TGFBR3: variants seen among roughly 807,000 people sequenced by gnomAD.
The protein encoded by TGFBR3 is transforming growth factor beta receptor type 3.
TGFBR3 carries 46 observed loss-of-function variants against 87.9 expected under a neutral mutation model. The ratio of observed to expected loss-of-function variants is 0.52; its 90% CI spans 0.41 to 0.67. The LOEUF is 0.67. Among genes scored for constraint, TGFBR3 ranks in the 30% least tolerant of loss-of-function variants. The probability of loss-of-function intolerance (pLI) is 0.00; values close to 1 mark genes in which losing one functional copy is unlikely to be tolerated. For synonymous variants in TGFBR3, 381 were observed against 391.6 expected (o/e 0.97, Z 0.32); for missense variants, 866 against 1,041.9 (o/e 0.83, Z 2.32).
At chr1:91,729,472 G>T (rs983184545) in intron 6 of TGFBR3, among the ~76,000 whole-genome samples, 39 of 152,330 alleles carry the variant, frequency 2.6e-4, no homozygotes, top group African/African-American at 7.9e-4. Flanking sequence ...TGATAAAGAT[G>T]AAGGAAGAGT....
At chr1:91,872,099 C>G (rs1678601139) in intron 1 of TGFBR3, among the ~76,000 whole-genome samples, 1 of 152,152 alleles carries the variant, frequency 6.6e-6, no homozygotes, top group African/African-American at 2.4e-5. Flanking sequence ...TTGTACATGG[C>G]CAATAGCTTC....
chr1:91,887,292 C>T (rs900957667), upstream of TGFBR3, among the ~76,000 whole-genome samples: 1 of 120,854 alleles, frequency 8.3e-6, no homozygotes, highest in African/African-American at 3.1e-5. Flanking sequence ...GTCGCCCAGG[C>T]TGGAGTGCAG....
chr1:91,833,134 A>G (rs1676918092), intron 2 of TGFBR3, among the ~76,000 whole-genome samples: 1 of 151,632 alleles, frequency 6.6e-6, no homozygotes, highest in South Asian at 2.1e-4. Flanking sequence ...GTCTCTACTA[A>G]AAATACAAAA....
chr1:91,784,908 C>T (rs527796634), intron 3 of TGFBR3, among the ~76,000 whole-genome samples: 7 of 152,322 alleles, frequency 4.6e-5, no homozygotes, highest in African/African-American at 1.4e-4. Flanking sequence ...TCCTCTATTA[C>T]AGGAATTGCC....
intron 2 of TGFBR3, among the ~76,000 whole-genome samples, chr1:91,837,091 T>C (rs1488256396): frequency 6.6e-6 from 1 of 152,142 alleles, no homozygotes; most frequent in Admixed American, 6.5e-5. Context: ...AGTTCCAAAG[T>C]TGGGGATTCT....
chr1:91,852,506 C>T (rs1285137208), intron 2 of TGFBR3, among the ~76,000 whole-genome samples: 2 of 152,224 alleles, frequency 1.3e-5, no homozygotes, highest in African/African-American at 4.8e-5. Context: ...TCACACTTGG[C>T]TGTGCACAAT....
rs1417381650 is a variant in TGFBR3 at position 91,727,733 on chromosome 1, G to A, written c.811C>T (p.Leu271=). The change falls in exon 7 of 17, where the codon CTG becomes TTG. Residue 271 remains leucine, a synonymous_variant. Transcript: ENST00000212355. ...EDLEVVKNLI[L]ILKCKKSVNW... is the part of the protein sequence containing the mutation. ...ACAGACTTTTTGCACTTCAAGATCAGGATGAGATTTTTGACCACTTCAAGA... is the reference window on the plus strand; with the variant it reads ...ACAGACTTTTTGCACTTCAAGATCAAGATGAGATTTTTGACCACTTCAAGA... 7 of 1,614,074 alleles carry A rather than the reference G, an allele frequency of 4.3e-6. No individual in the cohort carries two copies. Among genetic ancestry groups the A allele is most frequent in the Non-Finnish European group, 5.9e-6 (7 of 1,179,998 alleles).
intron 2 of TGFBR3, among the ~76,000 whole-genome samples, chr1:91,808,795 C>A (rs1259231399): frequency 6.6e-6 from 1 of 152,094 alleles, no homozygotes; most frequent in Non-Finnish European, 1.5e-5. Flanking sequence ...ATATGGTGCA[C>A]CTGTCCCTAT....
chr1:91,876,499 AG>A (rs1330488634), intron 1 of TGFBR3, among the ~76,000 whole-genome samples: 1 of 152,160 alleles, frequency 6.6e-6, no homozygotes, highest in African/African-American at 2.4e-5. Context: ...TAACATCCCT[AG>A]TTTTCTCCTC....
chr1:91,719,754 A>T, intron 9 of TGFBR3, 139 bp downstream of exon 9: 1 of 975,192 alleles, frequency 1.0e-6, no homozygotes, highest in Non-Finnish European at 1.6e-6. Context: ...AAGGGGAAGT[A>T]GGCCCATCCA....
intron 2 of TGFBR3, among the ~76,000 whole-genome samples, chr1:91,799,208 T>C (rs1486851849): frequency 1.3e-5 from 2 of 152,248 alleles, no homozygotes; most frequent in Non-Finnish European, 2.9e-5. Context: ...CCAAGTCTAT[T>C]TCAGGACTTA....
chr1:91,776,249 G>GT (rs1553166296), intron 3 of TGFBR3, among the ~76,000 whole-genome samples: 2 of 152,254 alleles, frequency 1.3e-5, no homozygotes, highest in Non-Finnish European at 2.9e-5. Context: ...TATCCACTGT[G>GT]TTTTTGTTAC....
At chr1:91,795,659 A>C (rs1675354531) in intron 3 of TGFBR3, among the ~76,000 whole-genome samples, 1 of 152,206 alleles carries the variant, frequency 6.6e-6, no homozygotes. Context: ...ATATAAAATG[A>C]GTAATTGTCG....
At chr1:91,698,572 G>A (rs1362955970) in intron 14 of TGFBR3, among the ~76,000 whole-genome samples, 7 of 144,426 alleles carry the variant, frequency 4.8e-5, no homozygotes, top group East Asian at 4.0e-4. Context: ...GGGCAGTGGC[G>A]CCCTCAGCTC....
At chr1:91,738,914 A>G (rs887774310) in intron 4 of TGFBR3, among the ~76,000 whole-genome samples, 2 of 152,232 alleles carry the variant, frequency 1.3e-5, no homozygotes, top group African/African-American at 4.8e-5. Context: ...AAGGTCACTG[A>G]GAAGTTAAAG....
At chr1:91,758,081 G>A (rs978043080) in intron 4 of TGFBR3, among the ~76,000 whole-genome samples, 1 of 152,136 alleles carries the variant, frequency 6.6e-6, no homozygotes, top group Non-Finnish European at 1.5e-5. Flanking sequence ...CAAATAGTAG[G>A]TAATATTTGG....
chr1:91,835,003 A>G (rs1677003659), intron 2 of TGFBR3, among the ~76,000 whole-genome samples: 1 of 152,142 alleles, frequency 6.6e-6, no homozygotes, highest in African/African-American at 2.4e-5. Context: ...TAAGGCACAA[A>G]GAAGCTCCTC....
intron 3 of TGFBR3, among the ~76,000 whole-genome samples, chr1:91,769,201 C>T (rs1674289761): frequency 2.0e-5 from 3 of 152,200 alleles, no homozygotes; most frequent in Non-Finnish European, 4.4e-5. Context: ...CAGTGACTGG[C>T]ATCTGGTAAG....
At chr1:91,840,356 T>G (rs570451896) in intron 2 of TGFBR3, among the ~76,000 whole-genome samples, 249 of 151,862 alleles carry the variant, frequency 1.6e-3, no homozygotes, top group Non-Finnish European at 2.4e-3. Flanking sequence ...TATCTTGTAC[T>G]CTCAAGATGT....
Sources: gnomAD v4.1 joint callset for allele counts (sites outside exome capture counted in the v4.1 genomes callset) on GRCh38, gnomAD v4.1.1 for gene constraint, MANE v1.5 for transcripts, NCBI Gene and HGNC (gene_info 2026-07-23, HGNC 2026-07-21) for gene names.